The following ADAM29 variants were observed in gnomAD, a reference collection of about 807,000 sequenced individuals.
ADAM29 encodes ADAM metallopeptidase domain 29.
For synonymous variants in ADAM29, 367 were observed against 342.3 expected (o/e 1.07, Z -0.80); for missense variants, 969 against 1,001.8 (o/e 0.97, Z 0.44).
rs1175645910 is a variant in ADAM29 at position 174,976,798 on chromosome 4, T to C, written c.1273T>C (p.Cys425Arg). The stretch of plus-strand genomic sequence containing the variant: ...AAAGCATTGTGCAAAAGATCCCTGC[T>C]GTCTGTCAAATTGCACTCTGACTGA... ...PLKHCAKDPCCLSNCTLTDGS... is the reference protein window; with the variant it reads ...PLKHCAKDPCRLSNCTLTDGS... The change falls in exon 5 of 5, where the codon TGT (cysteine) becomes CGT (arginine). Residue 425 changes from cysteine to arginine, a missense_variant. Coordinates refer to ENST00000359240, the MANE Select transcript of ADAM29 (RefSeq NM_014269.4). The C allele has an allele frequency of 6.2e-7, 1 of 1,614,214 alleles. No individual in the cohort carries two copies. The highest frequency in any genetic ancestry group is 8.5e-7 in the Non-Finnish European group (1 of 1,180,032).
chr4:174,973,344 T>C (rs1214581078), intron 4 of ADAM29, among the ~76,000 whole-genome samples: 1 of 152,204 alleles, frequency 6.6e-6, no homozygotes, highest in Non-Finnish European at 1.5e-5. Flanking sequence ...TGTATGGCAG[T>C]ACACTGGGGA....
intron 1 of ADAM29, among the ~76,000 whole-genome samples, chr4:174,919,773 T>A (rs975143057): frequency 6.6e-6 from 1 of 152,148 alleles, no homozygotes; most frequent in Admixed American, 6.6e-5. Flanking sequence ...TAATTAGAGA[T>A]CTCAGTTACA....
chr4:174,966,300 T>C (rs1226379205), intron 4 of ADAM29, among the ~76,000 whole-genome samples: 1 of 152,206 alleles, frequency 6.6e-6, no homozygotes, highest in Non-Finnish European at 1.5e-5. Context: ...ATTCATTCCA[T>C]TTTAACAGCC....
intron 4 of ADAM29, among the ~76,000 whole-genome samples, chr4:174,950,496 T>G (rs977426796): frequency 3.3e-5 from 5 of 152,240 alleles, no homozygotes; most frequent in Non-Finnish European, 5.9e-5. Flanking sequence ...TACCCTATAT[T>G]GACTATCCTT....
intron 4 of ADAM29, among the ~76,000 whole-genome samples, chr4:174,945,314 A>G (rs1439911053): frequency 6.6e-6 from 1 of 152,024 alleles, no homozygotes; most frequent in Non-Finnish European, 1.5e-5. Context: ...GTGTCTGCTT[A>G]TGTCATTTGA....
At position 174,945,669 on chromosome 4, in the gene ADAM29, A is replaced by G. The variant is rs11947039; in HGVS notation, c.-181+8656A>G. Among the ~76,000 whole-genome samples, 1,073 of 152,270 alleles carry G rather than the reference A, an allele frequency of 7.0e-3. 14 individuals are homozygous for G. Among genetic ancestry groups the G allele is most frequent in the African/African-American group, 0.025 (1,033 of 41,552 alleles). ...TAGTTTATCTCGAGTTGATTTTTGT[A>G]TATGGTGTAAGGAAGGGGACCAGTT... On this transcript the variant is annotated intron_variant, in intron 4 of 4. Transcript: ENST00000359240.
chr4:174,976,857 A>G lies in ADAM29; in HGVS notation c.1332A>G (p.Lys444=). 6.2e-7 allele frequency: 1 copy of G among 1,614,206 alleles called. No homozygotes were observed. Among genetic ancestry groups the G allele is most frequent in the East Asian group, 2.2e-5 (1 of 44,878 alleles). ...GSTCAFGLCC[K]DCKFLPSGKV... The stretch of plus-strand genomic sequence containing the variant: ...CTTGTGCTTTTGGGCTTTGTTGCAA[A>G]GACTGCAAGTTCCTACCATCAGGGA... The change falls in exon 5 of 5, where the codon AAA becomes AAG. Residue 444 remains lysine, a synonymous_variant. Transcript: ENST00000359240.
intron 4 of ADAM29, among the ~76,000 whole-genome samples, chr4:174,968,771 C>CCACACACA (rs36211576): frequency 9.8e-4 from 146 of 148,798 alleles, no homozygotes; most frequent in Non-Finnish European, 1.5e-3. Context: ...CACTTTCCGC[C>CCACACACA]CACACACACA....
Position 174,931,108 on chromosome 4 carries a change from T to C in ADAM29, c.-328T>C, listed in dbSNP as rs1743840981. 1 of 152,166 alleles carries C rather than the reference T, an allele frequency of 6.6e-6. No individual in the cohort carries two copies. The highest frequency in any genetic ancestry group is 1.5e-5 in the Non-Finnish European group (1 of 68,046). The allele number at this position is 152,166 out of a possible 1,614,324, so 9.4% of individuals were successfully genotyped here. On this transcript the variant is annotated 5_prime_UTR_variant, in exon 3 of 5. Transcript: ENST00000359240. ...GTATAACCATCAGCAAGAAAACAAA[T>C]TTGATTGAGCCCCCATCCAGTCCTC...
chr4:174,968,154 T>G (rs183968049), intron 4 of ADAM29, among the ~76,000 whole-genome samples: 216 of 152,280 alleles, frequency 1.4e-3, no homozygotes, highest in South Asian at 4.1e-3. Context: ...GATCTGAATT[T>G]TGTTTAGCTT....
chr4:174,958,245 G>GA (rs34352989), intron 4 of ADAM29, among the ~76,000 whole-genome samples: 63,325 of 151,146 alleles, frequency 0.42, 13,810 homozygotes, highest in African/African-American at 0.54. Flanking sequence ...TACTGATGGG[G>GA]GGGTGGGGAA....
chr4:174,967,778 T>C (rs1746235095), intron 4 of ADAM29, among the ~76,000 whole-genome samples: 1 of 152,218 alleles, frequency 6.6e-6, no homozygotes, highest in Non-Finnish European at 1.5e-5. Flanking sequence ...TTAATGCTTA[T>C]TGATTTTCAT....
chr4:174,935,201 T>G (rs1202180850), intron 3 of ADAM29, among the ~76,000 whole-genome samples: 2 of 152,150 alleles, frequency 1.3e-5, no homozygotes, highest in African/African-American at 4.8e-5. Flanking sequence ...TTGTCAGTTC[T>G]CAAATAAAAT....
intron 4 of ADAM29, among the ~76,000 whole-genome samples, chr4:174,943,452 A>G (rs577863881): frequency 6.6e-6 from 1 of 152,364 alleles, no homozygotes; most frequent in Admixed American, 6.5e-5. Flanking sequence ...TGGAGGCTTC[A>G]GGAAAATGAC....
Position 174,977,765 on chromosome 4 carries a change from C to T in ADAM29, c.2240C>T (p.Pro747Leu). The change falls in exon 5 of 5, where the codon CCT (proline) becomes CTT (leucine). Residue 747 changes from proline to leucine, a missense_variant. Transcript: ENST00000359240. ...TCCCAGAGTCAACCTCCTGTGACGC[C>T]TTCCCAGAGTCATCCTCAGGTGATG... is the stretch of plus-strand genomic sequence containing the variant. The part of the protein sequence containing the change: ...MPSQSQPPVT[P>L]SQSHPQVMPS... 6.2e-7 allele frequency: 1 copy of T among 1,602,592 alleles called. No homozygotes were observed. The highest frequency in any genetic ancestry group is 2.2e-5 in the East Asian group (1 of 44,852).
intron 4 of ADAM29, among the ~76,000 whole-genome samples, chr4:174,971,091 T>A (rs1000659798): frequency 1.3e-5 from 2 of 152,192 alleles, no homozygotes; most frequent in Non-Finnish European, 1.5e-5. Flanking sequence ...CTTTTTTTAA[T>A]ACTTTTGTCT....
At chr4:174,962,429 G>A (rs1745886268) in intron 4 of ADAM29, among the ~76,000 whole-genome samples, 1 of 151,318 alleles carries the variant, frequency 6.6e-6, no homozygotes, top group Non-Finnish European at 1.5e-5. Context: ...GGAGAATGGC[G>A]TGAACCCGGG....
chr4:174,934,886 T>C (rs1744113460), intron 3 of ADAM29, among the ~76,000 whole-genome samples: 1 of 152,168 alleles, frequency 6.6e-6, no homozygotes, highest in Admixed American at 6.6e-5. Flanking sequence ...TTAAAAGAGA[T>C]ATAAACAATT....
intron 4 of ADAM29, among the ~76,000 whole-genome samples, chr4:174,971,589 T>C (rs572866681): frequency 7.2e-5 from 11 of 152,214 alleles, no homozygotes; most frequent in Non-Finnish European, 1.6e-4. Flanking sequence ...ATGGACATTT[T>C]CTTTTATATG....
Sources: allele counts gnomAD v4.1 joint callset (sites outside exome capture counted in the v4.1 genomes callset), GRCh38; gene constraint gnomAD v4.1.1; transcripts MANE v1.5; gene names NCBI Gene and HGNC (gene_info 2026-07-23, HGNC 2026-07-21).